The following SYT1 variants were observed in gnomAD, a reference collection of about 807,000 sequenced individuals.
The protein encoded by SYT1 is synaptotagmin-1.
A neutral mutation model predicts 44.8 loss-of-function variants in SYT1; 8 were observed. The ratio of observed to expected loss-of-function variants is 0.18; its 90% CI spans 0.10 to 0.32. SYT1 has a LOEUF of 0.32. Among genes scored for constraint, SYT1 ranks in the 10% least tolerant of loss-of-function variants. The pLI is 1.00. For synonymous variants in SYT1, 154 were observed against 188.8 expected (o/e 0.82, Z 1.51); for missense variants, 286 against 509.3 (o/e 0.56, Z 4.22).
chr12:79,102,335 C>T (rs1878492212), intron 3 of SYT1, among the ~76,000 whole-genome samples: 1 of 151,798 alleles, frequency 6.6e-6, no homozygotes, highest in South Asian at 2.1e-4. Flanking sequence ...CTGGTACATA[C>T]CAACTTTTTA....
At chr12:79,394,688 C>T (rs1416211503) in intron 9 of SYT1, among the ~76,000 whole-genome samples, 1 of 152,134 alleles carries the variant, frequency 6.6e-6, no homozygotes, top group East Asian at 1.9e-4. Flanking sequence ...TGTTTCAGCT[C>T]ACATCAATAA....
chr12:79,403,674 C>G (rs1327250169), intron 9 of SYT1, among the ~76,000 whole-genome samples: 1 of 152,086 alleles, frequency 6.6e-6, no homozygotes, highest in Admixed American at 6.6e-5. Flanking sequence ...GAGACAGAGA[C>G]AGAGACATGG....
intron 3 of SYT1, among the ~76,000 whole-genome samples, chr12:79,122,366 T>C (rs1321350608): frequency 1.3e-5 from 2 of 149,508 alleles, no homozygotes; most frequent in East Asian, 2.0e-4. Context: ...TACAAAAAAT[T>C]AGCCGGGCGT....
chr12:78,998,819 C>T (rs1870541837), intron 2 of SYT1, among the ~76,000 whole-genome samples: 1 of 152,162 alleles, frequency 6.6e-6, no homozygotes, highest in African/African-American at 2.4e-5. Context: ...GCACTTAGCA[C>T]ATCTTCTTTC....
intron 4 of SYT1, among the ~76,000 whole-genome samples, chr12:79,276,558 C>T (rs1375890805): frequency 6.6e-6 from 1 of 151,606 alleles, no homozygotes; most frequent in Admixed American, 6.6e-5. Flanking sequence ...CACCTCTAGT[C>T]CCAGCTACTA....
At chr12:79,284,712 G>A (rs1287908761) in intron 4 of SYT1, among the ~76,000 whole-genome samples, 1 of 151,692 alleles carries the variant, frequency 6.6e-6, no homozygotes, top group African/African-American at 2.4e-5. Flanking sequence ...GGTGGCGTGT[G>A]CCTGAAGTCC....
At chr12:78,902,010 C>T (rs932429953) in intron 1 of SYT1, among the ~76,000 whole-genome samples, 6 of 151,000 alleles carry the variant, frequency 4.0e-5, no homozygotes, top group Admixed American at 2.6e-4. Context: ...CACAGGGAGG[C>T]GAACATCACA....
intron 3 of SYT1, among the ~76,000 whole-genome samples, chr12:79,173,805 C>T (rs1009747989): frequency 6.6e-5 from 10 of 152,060 alleles, no homozygotes; most frequent in African/African-American, 9.6e-5. Context: ...TTAGTCAGTA[C>T]GATTTGAGAC....
At chr12:79,312,769 A>AT (rs34469793) in intron 8 of SYT1, among the ~76,000 whole-genome samples, 32,223 of 116,902 alleles carry the variant, frequency 0.28, 5,509 homozygotes, top group African/African-American at 0.41. Flanking sequence ...AAGGGGCTGC[A>AT]TTTTTTTTTT....
chr12:78,956,000 A>T (rs1327628506), intron 1 of SYT1, among the ~76,000 whole-genome samples: 1 of 152,040 alleles, frequency 6.6e-6, no homozygotes, highest in African/African-American at 2.4e-5. Context: ...GTGATAAAAG[A>T]GGTCAAGGTG....
intron 8 of SYT1, among the ~76,000 whole-genome samples, chr12:79,344,276 A>G (rs1882508301): frequency 1.3e-5 from 2 of 151,954 alleles, no homozygotes; most frequent in South Asian, 4.2e-4. Flanking sequence ...CTTTTATTTT[A>G]CTGTTATTTT....
rs181361349 is a variant in SYT1, at chr12:79,339,380, T to A, written c.811-14122T>A. Among the ~76,000 whole-genome samples, 217 of 152,378 alleles carry A rather than the reference T, an allele frequency of 1.4e-3. 1 individual carries two copies. The highest frequency in any genetic ancestry group is 4.9e-3 in the African/African-American group (205 of 41,592). On this transcript the variant is annotated intron_variant, in intron 8 of 10. Transcript: ENST00000261205. ...CGCCATTCTAACTGTTGTGAGATAG[T>A]ATCTCATTGTGGTTTTGATTTGCAT...
chr12:79,323,411 G>C (rs1411258479), intron 8 of SYT1, among the ~76,000 whole-genome samples: 1 of 152,154 alleles, frequency 6.6e-6, no homozygotes, highest in East Asian at 1.9e-4. Flanking sequence ...TGGAAAGTCG[G>C]ATAAATGTAA....
intron 2 of SYT1, among the ~76,000 whole-genome samples, chr12:79,025,425 T>C (rs1420018860): frequency 6.6e-6 from 1 of 151,688 alleles, no homozygotes. Flanking sequence ...TTGAACCTTG[T>C]TGTTTCTAGT....
At chr12:79,363,590 C>A (rs1593002109) in intron 9 of SYT1, among the ~76,000 whole-genome samples, 1 of 151,076 alleles carries the variant, frequency 6.6e-6, no homozygotes, top group South Asian at 2.1e-4. Context: ...AAAAAAATAG[C>A]CAGGAATGGT....
chr12:79,185,871 T>C (rs1318363544), intron 3 of SYT1, among the ~76,000 whole-genome samples: 1 of 72,724 alleles, frequency 1.4e-5, no homozygotes, highest in African/African-American at 5.7e-5. Flanking sequence ...CTCCATTTTT[T>C]AAATCTTCAA....
chr12:79,024,051 C>T (rs1205769743), intron 2 of SYT1, among the ~76,000 whole-genome samples: 1 of 151,706 alleles, frequency 6.6e-6, no homozygotes, highest in African/African-American at 2.4e-5. Flanking sequence ...GCATCCTAAC[C>T]TCACGGAGGG....
At chr12:79,358,929 C>T (rs1440600420) in intron 9 of SYT1, among the ~76,000 whole-genome samples, 5 of 152,306 alleles carry the variant, frequency 3.3e-5, no homozygotes, top group African/African-American at 1.2e-4. Context: ...CCCTTTCTTG[C>T]CTTCTCAGAA....
chr12:78,979,983 G>A (rs1219513405), intron 2 of SYT1, among the ~76,000 whole-genome samples: 3 of 152,038 alleles, frequency 2.0e-5, no homozygotes, highest in Non-Finnish European at 2.9e-5. Context: ...TGAATTACGT[G>A]AGTGTCTTAC....
Sources: gnomAD v4.1 joint callset for allele counts (sites outside exome capture counted in the v4.1 genomes callset) on GRCh38, gnomAD v4.1.1 for gene constraint, MANE v1.5 for transcripts, NCBI Gene and HGNC (gene_info 2026-07-23, HGNC 2026-07-21) for gene names.